Variants in TACC2 observed in about 807,000 individuals in gnomAD.
TACC2 encodes the protein transforming acidic coiled-coil-containing protein 2.
A neutral mutation model predicts 227.3 loss-of-function variants in TACC2; 137 were observed. The observed-to-expected ratio is 0.60, with a 90% confidence interval of 0.52 to 0.69. TACC2 has a LOEUF of 0.69. Among genes scored for constraint, TACC2 ranks in the 30% least tolerant of loss-of-function variants. TACC2 has a pLI of 0.00. For missense variants in TACC2, 3,470 were observed against 3,694.4 expected, an observed-to-expected ratio of 0.94 and a Z score of 1.57; for synonymous variants, 1,523 against 1,487.5, an observed-to-expected ratio of 1.02 and a Z score of -0.55.
At chr10:122,081,879 A>G (rs1311717883) in intron 3 of TACC2, among the ~76,000 whole-genome samples, 2 of 152,196 alleles carry the variant, frequency 1.3e-5, no homozygotes, top group Non-Finnish European at 2.9e-5. Flanking sequence ...AACTATTACC[A>G]GGAATGGCTC....
chr10:122,127,102 C>A, intron 5 of TACC2: 1 of 168,438 alleles, frequency 5.9e-6, no homozygotes, highest in South Asian at 1.7e-4. Context: ...GACACTGAAC[C>A]TGCTGGTGCC....
At chr10:122,024,680 C>T (rs1957773109) in intron 2 of TACC2, among the ~76,000 whole-genome samples, 1 of 152,140 alleles carries the variant, frequency 6.6e-6, no homozygotes, top group African/African-American at 2.4e-5. Context: ...TAAGGATTGG[C>T]TTTTTTTCTC....
intron 1 of TACC2, among the ~76,000 whole-genome samples, chr10:122,011,945 G>A (rs921452498): frequency 2.6e-5 from 4 of 151,944 alleles, no homozygotes; most frequent in African/African-American, 9.7e-5. Context: ...TTGCTGGTTT[G>A]TTTTTGTTTT....
At chr10:122,012,202 A>G (rs889059108) in intron 1 of TACC2, among the ~76,000 whole-genome samples, 4 of 151,898 alleles carry the variant, frequency 2.6e-5, no homozygotes, top group African/African-American at 4.8e-5. Flanking sequence ...CGGGTGGATC[A>G]TGAGGTCAGG....
chr10:122,211,131 C>G lies in TACC2; in HGVS notation c.6706C>G (p.Leu2236Val). 6.2e-7 allele frequency: 1 copy of G among 1,609,376 alleles called. No homozygotes were observed. The highest frequency in any genetic ancestry group is 8.5e-7 in the Non-Finnish European group (1 of 1,178,106). The change falls in exon 9 of 23, where the codon CTT becomes GTT. Residue 2236 changes from leucine to valine, a missense_variant. Transcript: ENST00000369005. The part of the protein sequence containing the change: ...SPPVGRKTLP[L>V]TTAPEAGEVT... The stretch of plus-strand genomic sequence containing the variant: ...CCCTGTCGGGAGGAAAACGCTGCCT[C>G]TTACCACGGCCCCGGAGGCAGGGGA...
chr10:122,207,431 A>G (rs568092326), intron 8 of TACC2, among the ~76,000 whole-genome samples: 1 of 152,276 alleles, frequency 6.6e-6, no homozygotes, highest in African/African-American at 2.4e-5. Context: ...GCCGTTCCCA[A>G]CCAGGGAGGA....
chr10:122,216,088 C>T (rs1173584181), intron 10 of TACC2, among the ~76,000 whole-genome samples: 5 of 152,300 alleles, frequency 3.3e-5, no homozygotes, highest in African/African-American at 1.2e-4. Flanking sequence ...AGACCCTGGC[C>T]AGAGTGGGGG....
At chr10:122,199,667 C>T (rs1167633649) in intron 8 of TACC2, among the ~76,000 whole-genome samples, 1 of 152,214 alleles carries the variant, frequency 6.6e-6, no homozygotes, top group Non-Finnish European at 1.5e-5. Flanking sequence ...TTCCCTATGA[C>T]AGCTGATGAC....
At position 122,027,299 on chromosome 10, in the gene TACC2, A is replaced by C. The variant is rs190472849; in HGVS notation, c.33+5285A>C. ...CAGGTCTTTGGCCCATTTTAAAGTT[A>C]GGTTGTTTGTTTTCTTATTATTGAG... On this transcript the variant is annotated intron_variant, in intron 2 of 22. Transcript: ENST00000369005. Among the ~76,000 whole-genome samples the C allele has an allele frequency of 3.0e-3, 451 of 152,158 alleles. 2 individuals carry two copies. Among genetic ancestry groups the C allele is most frequent in the Non-Finnish European group, 5.2e-3 (355 of 67,988 alleles).
intron 14 of TACC2, 63 bp downstream of exon 14, chr10:122,228,071 A>G: frequency 6.5e-7 from 1 of 1,532,784 alleles, no homozygotes; most frequent in Non-Finnish European, 8.9e-7. Flanking sequence ...GCGTATTGTC[A>G]CCAAGAAGGC....
intron 7 of TACC2, chr10:122,163,779 C>T: frequency 8.2e-7 from 1 of 1,226,206 alleles, no homozygotes; most frequent in Non-Finnish European, 1.0e-6. Context: ...GCCGCCGCTC[C>T]CGCCGCCACG....
intron 7 of TACC2, among the ~76,000 whole-genome samples, chr10:122,162,519 G>A (rs2092881794): frequency 6.6e-6 from 1 of 152,178 alleles, no homozygotes; most frequent in Non-Finnish European, 1.5e-5. Flanking sequence ...GGCTGGGAGC[G>A]CAGGAAGCGG....
chr10:122,155,695 C>T (rs917538788), intron 7 of TACC2, among the ~76,000 whole-genome samples: 83 of 152,018 alleles, frequency 5.5e-4, no homozygotes, highest in Non-Finnish European at 1.0e-3. Context: ...TCGATTTTCA[C>T]CTATGATCTT....
intron 3 of TACC2, 143 bp from the exon 4 acceptor site, chr10:122,082,504 A>G: frequency 1.1e-6 from 1 of 874,738 alleles, no homozygotes; most frequent in East Asian, 2.5e-5. Flanking sequence ...TCTCACAGAG[A>G]GGAATGAGCT....
chr10:122,099,571 T>G (rs955829049), intron 5 of TACC2, among the ~76,000 whole-genome samples: 1 of 152,204 alleles, frequency 6.6e-6, no homozygotes, highest in African/African-American at 2.4e-5. Context: ...CCCAGCAGCA[T>G]CCACATACTT....
At chr10:122,102,561 T>TG (rs1190620844) in intron 5 of TACC2, among the ~76,000 whole-genome samples, 1 of 152,246 alleles carries the variant, frequency 6.6e-6, no homozygotes, top group Non-Finnish European at 1.5e-5. Flanking sequence ...AAGTTGTTTT[T>TG]CTGCCAGAGA....
intron 2 of TACC2, among the ~76,000 whole-genome samples, chr10:122,025,991 G>A (rs538957718): frequency 2.1e-4 from 32 of 151,208 alleles, no homozygotes; most frequent in Non-Finnish European, 4.1e-4. Flanking sequence ...ATGTCTTTTC[G>A]TCCTCTTAAG....
intron 6 of TACC2, among the ~76,000 whole-genome samples, chr10:122,138,112 G>A (rs2089993311): frequency 2.7e-5 from 4 of 150,032 alleles, no homozygotes; most frequent in Admixed American, 2.6e-4. Context: ...TTTTCTGACT[G>A]CACAATAAGA....
intron 3 of TACC2, among the ~76,000 whole-genome samples, chr10:122,065,261 G>A (rs1277402291): frequency 6.6e-6 from 1 of 152,052 alleles, no homozygotes; most frequent in Non-Finnish European, 1.5e-5. Flanking sequence ...TAAAATATAG[G>A]CATTTTAGTG....
Sources: gnomAD v4.1 joint callset for allele counts (sites outside exome capture counted in the v4.1 genomes callset) on GRCh38, gnomAD v4.1.1 for gene constraint, MANE v1.5 for transcripts, NCBI Gene and HGNC (gene_info 2026-07-23, HGNC 2026-07-21) for gene names.